The following CAPN8 variants were observed in gnomAD, a reference collection of about 807,000 sequenced individuals.
CAPN8 encodes the protein calpain-8.
Under a neutral mutation model 80.9 loss-of-function variants are expected in CAPN8, and 87 were observed. The observed-to-expected ratio is 1.07, with a 90% CI of 0.90 to 1.28. CAPN8 has a LOEUF of 1.28. Ranked by LOEUF, CAPN8 falls within the 50% of genes most tolerant of loss-of-function variation. The probability of loss-of-function intolerance (pLI) is 0.00; values close to 1 mark genes in which losing one functional copy is unlikely to be tolerated. For synonymous variants in CAPN8, 299 were observed against 273.8 expected, an observed-to-expected ratio of 1.09 and a Z score of -0.91; for missense variants, 757 against 702.0, an observed-to-expected ratio of 1.08 and a Z score of -0.89.
At chr1:223,611,766 A>G (rs1657036041) in intron 11 of CAPN8, among the ~76,000 whole-genome samples, 1 of 152,192 alleles carries the variant, frequency 6.6e-6, no homozygotes, top group Non-Finnish European at 1.5e-5. Flanking sequence ...GGGCAGGTGG[A>G]CCAGTAATCT....
intron 2 of CAPN8, among the ~76,000 whole-genome samples, chr1:223,650,275 C>T (rs2102732770): frequency 6.6e-6 from 1 of 152,240 alleles, no homozygotes; most frequent in South Asian, 2.1e-4. Flanking sequence ...TGGGGTGTAC[C>T]TGCCTTATTC....
intron 1 of CAPN8, among the ~76,000 whole-genome samples, chr1:223,656,668 G>GTTGT (rs1658497061): frequency 8.1e-4 from 77 of 94,810 alleles, no homozygotes; most frequent in African/African-American, 2.7e-3. Flanking sequence ...CACGTTTTGG[G>GTTGT]TTTTTTTGTT....
At chr1:223,645,216 G>C (rs1391271723) in intron 2 of CAPN8, among the ~76,000 whole-genome samples, 1 of 152,110 alleles carries the variant, frequency 6.6e-6, no homozygotes, top group Non-Finnish European at 1.5e-5. Flanking sequence ...CGGAAGACTC[G>C]GCAAGTCTAG....
chr1:223,648,178 A>G (rs1177706014), intron 2 of CAPN8, among the ~76,000 whole-genome samples: 1 of 152,218 alleles, frequency 6.6e-6, no homozygotes, highest in South Asian at 2.1e-4. Context: ...CCAGAGGGCG[A>G]TGAGCACCAG....
chr1:223,627,667 A>C (rs114532967), intron 4 of CAPN8, among the ~76,000 whole-genome samples: 1,946 of 152,312 alleles, frequency 0.013, 21 homozygotes, highest in Middle Eastern at 0.051. Flanking sequence ...TATCTAGTAC[A>C]TTTGTTTTAT....
chr1:223,649,090 G>A (rs1023123373), intron 2 of CAPN8, among the ~76,000 whole-genome samples: 1 of 152,218 alleles, frequency 6.6e-6, no homozygotes, highest in African/African-American at 2.4e-5. Flanking sequence ...TAGGAAAGAA[G>A]AAAGTATCTT....
chr1:223,642,070 G>A (rs966742288), intron 2 of CAPN8, among the ~76,000 whole-genome samples: 1 of 152,118 alleles, frequency 6.6e-6, no homozygotes. Context: ...GTGGATGATG[G>A]CAAGCTACCA....
At position 223,656,347 on chromosome 1, in the gene CAPN8, T is replaced by C. The variant is rs199756834; in HGVS notation, c.238-1948A>G. Reference sequence around the variant, plus strand: ...AGCCCGGCATGGTGGTGCGCCCCCGTAATCCCAGCTACTCAGGAGGCTGAG... The same window carrying C: ...AGCCCGGCATGGTGGTGCGCCCCCGCAATCCCAGCTACTCAGGAGGCTGAG... On this transcript the variant is annotated intron_variant, in intron 1 of 20. Transcript: ENST00000366872. Among the ~76,000 whole-genome samples the C allele has an allele frequency of 1.2e-4, 18 of 152,038 alleles. No individual in the cohort carries two copies. The East Asian group carries it at 3.3e-3, about 28-fold the overall frequency.
At chr1:223,617,624 C>T (rs1657239358) in intron 9 of CAPN8, 1 of 152,232 alleles carries the variant, frequency 6.6e-6, no homozygotes, top group Non-Finnish European at 1.5e-5. Flanking sequence ...TTTAATTTCT[C>T]CCAAATGCAA....
In CAPN8 at chr1:223,656,416, C is replaced by T. The variant is rs188046547; in HGVS notation, c.238-2017G>A. On this transcript the variant is annotated intron_variant, in intron 1 of 20. Transcript: ENST00000366872. ...CGGAGGTTGCAGTAAGCCAAGATCA[C>T]GCCATTGCACTCCAGCTTGGGCAAC... is the stretch of plus-strand genomic sequence containing the variant. 5.9e-4 allele frequency among the ~76,000 whole-genome samples: 90 copies of T among 152,064 alleles called. 1 individual carries two copies. Among genetic ancestry groups the T allele is most frequent in the East Asian group, 3.1e-3 (16 of 5,154 alleles).
At chr1:223,610,076 A>C (rs1656993477) in intron 11 of CAPN8, among the ~76,000 whole-genome samples, 1 of 152,238 alleles carries the variant, frequency 6.6e-6, no homozygotes, top group African/African-American at 2.4e-5. Flanking sequence ...CTTCCAAAAC[A>C]CAGGTGCCAA....
chr1:223,634,815 T>C (rs1657870556), intron 2 of CAPN8, among the ~76,000 whole-genome samples: 1 of 152,194 alleles, frequency 6.6e-6, no homozygotes, highest in Non-Finnish European at 1.5e-5. Context: ...AATACCATCA[T>C]ATTGGATGTT....
intron 10 of CAPN8, 134 bp from the exon 11 acceptor site, chr1:223,612,391 G>A (rs766815362): frequency 5.5e-5 from 38 of 695,710 alleles, no homozygotes; most frequent in Non-Finnish European, 7.4e-5. Context: ...GTGCTAAAGT[G>A]AGAAGCCAGT....
chr1:223,614,522 T>C (rs559444795), intron 10 of CAPN8, among the ~76,000 whole-genome samples: 53 of 152,308 alleles, frequency 3.5e-4, no homozygotes, highest in Middle Eastern at 6.8e-3. Context: ...GAAATGTCCT[T>C]TTGGCTGGAA....
intron 16 of CAPN8, among the ~76,000 whole-genome samples, chr1:223,545,826 T>TTTTC (rs1374861164): frequency 2.8e-5 from 4 of 140,378 alleles, no homozygotes; most frequent in African/African-American, 1.1e-4. Context: ...CACAACTTTT[T>TTTTC]TTTTTTTTTT....
intron 11 of CAPN8, 133 bp from the exon 12 acceptor site, chr1:223,609,497 T>G: frequency 5.0e-6 from 2 of 397,190 alleles, no homozygotes; most frequent in Non-Finnish European, 8.9e-6. Context: ...AGGCCGTGGA[T>G]TCTGTTGTGA....
chr1:223,556,325 G>A (rs1203777744), intron 13 of CAPN8, among the ~76,000 whole-genome samples: 1 of 152,274 alleles, frequency 6.6e-6, no homozygotes, highest in East Asian at 1.9e-4. Flanking sequence ...GTGTGTGTCA[G>A]TCACAGCACA....
intron 7 of CAPN8, among the ~76,000 whole-genome samples, chr1:223,620,528 A>G (rs1246373573): frequency 6.6e-6 from 1 of 152,094 alleles, no homozygotes; most frequent in African/African-American, 2.4e-5. Flanking sequence ...ATTATGCTCT[A>G]ATTTTTACTC....
chr1:223,623,340 C>G (rs767221658), intron 6 of CAPN8, among the ~76,000 whole-genome samples: 1 of 152,130 alleles, frequency 6.6e-6, no homozygotes, highest in African/African-American at 2.4e-5. Flanking sequence ...TTAACACTCA[C>G]GACAATCCTG....
Sources: gnomAD v4.1 joint callset for allele counts (sites outside exome capture counted in the v4.1 genomes callset) on GRCh38, gnomAD v4.1.1 for gene constraint, MANE v1.5 for transcripts, NCBI Gene and HGNC (gene_info 2026-07-23, HGNC 2026-07-21) for gene names.